Variants in OTUD7A observed in about 807,000 individuals in gnomAD.
The protein encoded by OTUD7A is OTU domain-containing protein 7A.
A neutral mutation model predicts 65.7 loss-of-function variants in OTUD7A; 12 were observed. The observed-to-expected ratio is 0.18, with a 90% CI of 0.12 to 0.30. The LOEUF is 0.30. Among genes scored for constraint, OTUD7A ranks in the 10% least tolerant of loss-of-function variants. The pLI, the probability that OTUD7A is intolerant of heterozygous loss-of-function variation, is 1.00. For synonymous variants in OTUD7A, 641 were observed against 586.3 expected (o/e 1.09, Z -1.35); for missense variants, 1,148 against 1,304.8 (o/e 0.88, Z 1.85).
intron 5 of OTUD7A, among the ~76,000 whole-genome samples, chr15:31,531,520 CAAAAAA>C (rs60332452): frequency 0.05 from 3,985 of 80,232 alleles, 166 homozygotes; most frequent in African/African-American, 0.15. Context: ...GAGTAGGCCA[CAAAAAA>C]AAAAAAAAAA....
At chr15:31,626,907 GTTTTTAT>G (rs1890972560) in intron 3 of OTUD7A, among the ~76,000 whole-genome samples, 2 of 132,818 alleles carry the variant, frequency 1.5e-5, no homozygotes, top group East Asian at 4.3e-4. Flanking sequence ...TTGTTTTTTT[GTTTTTAT>G]GGTTTCTTTT....
intron 1 of OTUD7A, among the ~76,000 whole-genome samples, chr15:31,663,169 C>T (rs1013213268): frequency 2.7e-5 from 4 of 149,520 alleles, no homozygotes; most frequent in African/African-American, 9.9e-5. Flanking sequence ...GGCATCTTTG[C>T]TTTGCTCCTA....
At chr15:31,849,305 G>C (rs1897363588) in intron 1 of OTUD7A, among the ~76,000 whole-genome samples, 2 of 152,214 alleles carry the variant, frequency 1.3e-5, no homozygotes, top group Admixed American at 1.3e-4. Context: ...AATAGGGAAA[G>C]GATTCTCTAT....
At chr15:31,841,969 A>G (rs529750618) in intron 1 of OTUD7A, among the ~76,000 whole-genome samples, 1 of 152,310 alleles carries the variant, frequency 6.6e-6, no homozygotes, top group African/African-American at 2.4e-5. Context: ...ATGCTCTAGA[A>G]TGTCCAAAGC....
At chr15:31,598,349 G>C (rs1420002371) in intron 3 of OTUD7A, among the ~76,000 whole-genome samples, 3 of 152,184 alleles carry the variant, frequency 2.0e-5, no homozygotes, top group Non-Finnish European at 4.4e-5. Flanking sequence ...AGCCCACAGA[G>C]GGCGAGCCGA....
chr15:31,744,393 C>G (rs1176969821), intron 1 of OTUD7A, among the ~76,000 whole-genome samples: 1 of 152,036 alleles, frequency 6.6e-6, no homozygotes, highest in Non-Finnish European at 1.5e-5. Context: ...GAAAAATAAT[C>G]AAGACCAAGT....
At chr15:31,751,014 A>C (rs1894620560) in intron 1 of OTUD7A, among the ~76,000 whole-genome samples, 1 of 152,232 alleles carries the variant, frequency 6.6e-6, no homozygotes, top group African/African-American at 2.4e-5. Context: ...ACATCAGCCT[A>C]GGCAAAGAAC....
intron 5 of OTUD7A, among the ~76,000 whole-genome samples, chr15:31,535,053 G>A (rs1300183067): frequency 1.3e-5 from 2 of 152,206 alleles, no homozygotes; most frequent in Admixed American, 6.5e-5. Flanking sequence ...ATACTTTGCT[G>A]TTGGGATTGT....
intron 3 of OTUD7A, among the ~76,000 whole-genome samples, chr15:31,627,495 G>A (rs180695878): frequency 6.6e-6 from 1 of 152,118 alleles, no homozygotes; most frequent in East Asian, 1.9e-4. Flanking sequence ...TATGGTTGTT[G>A]GACATTTGGG....
chr15:31,618,469 T>C (rs1890665647), intron 3 of OTUD7A, among the ~76,000 whole-genome samples: 1 of 152,192 alleles, frequency 6.6e-6, no homozygotes, highest in South Asian at 2.1e-4. Context: ...ATGATTGCCA[T>C]TCTAACTGGT....
intron 3 of OTUD7A, among the ~76,000 whole-genome samples, chr15:31,636,415 CGTT>C (rs1891343640): frequency 6.6e-6 from 1 of 152,166 alleles, no homozygotes; most frequent in African/African-American, 2.4e-5. Context: ...ACTTAATAAA[CGTT>C]GTGTGTGTTC....
intron 1 of OTUD7A, among the ~76,000 whole-genome samples, chr15:31,865,287 C>CA: frequency 6.6e-6 from 1 of 152,286 alleles, no homozygotes; most frequent in South Asian, 2.1e-4. Flanking sequence ...TACAATAACA[C>CA]ACGTTGTCTT....
At chr15:31,773,351 G>A (rs1407360925) in intron 1 of OTUD7A, among the ~76,000 whole-genome samples, 1 of 152,158 alleles carries the variant, frequency 6.6e-6, no homozygotes, top group Non-Finnish European at 1.5e-5. Flanking sequence ...AGTTCTGGAG[G>A]GAAGAAGTCC....
At chr15:31,629,210 TATG>T (rs1236319352) in intron 3 of OTUD7A, among the ~76,000 whole-genome samples, 1 of 152,218 alleles carries the variant, frequency 6.6e-6, no homozygotes, top group Non-Finnish European at 1.5e-5. Context: ...GCCCATTCAG[TATG>T]ATATTGGCTG....
chr15:31,622,341 T>A (rs1890815459), intron 3 of OTUD7A, among the ~76,000 whole-genome samples: 1 of 152,216 alleles, frequency 6.6e-6, no homozygotes, highest in Non-Finnish European at 1.5e-5. Flanking sequence ...TTCTCCTGGA[T>A]AATATCCTGC....
chr15:31,847,067 C>T (rs1467729205), intron 1 of OTUD7A, among the ~76,000 whole-genome samples: 1 of 152,208 alleles, frequency 6.6e-6, no homozygotes, highest in Admixed American at 6.5e-5. Flanking sequence ...GGGCAGGGCA[C>T]CCCGCAGGCC....
intron 3 of OTUD7A, among the ~76,000 whole-genome samples, chr15:31,601,056 C>A (rs1397157174): frequency 6.6e-6 from 1 of 152,150 alleles, no homozygotes; most frequent in Non-Finnish European, 1.5e-5. Flanking sequence ...ATCACTGAGA[C>A]AGAAAATTAA....
intron 10 of OTUD7A, among the ~76,000 whole-genome samples, chr15:31,492,955 C>T (rs913560284): frequency 2.6e-5 from 4 of 152,108 alleles, no homozygotes; most frequent in Non-Finnish European, 4.4e-5. Context: ...GGCTCATGCC[C>T]AGCACTTTGG....
At chr15:31,826,915 T>C (rs1183835182) in intron 1 of OTUD7A, among the ~76,000 whole-genome samples, 1 of 152,178 alleles carries the variant, frequency 6.6e-6, no homozygotes, top group Non-Finnish European at 1.5e-5. Context: ...GTTCCTTATC[T>C]CCATCTGAGA....
Sources: gnomAD v4.1 joint callset for allele counts (sites outside exome capture counted in the v4.1 genomes callset) on GRCh38, gnomAD v4.1.1 for gene constraint, MANE v1.5 for transcripts, NCBI Gene and HGNC (gene_info 2026-07-23, HGNC 2026-07-21) for gene names.